Variants in SCRN3 observed in about 807,000 individuals in gnomAD.
SCRN3 encodes secernin 3.
SCRN3 carries 39 observed loss-of-function variants against 43.1 expected under a neutral mutation model. The ratio of observed to expected loss-of-function variants is 0.91; its 90% confidence interval spans 0.70 to 1.18. SCRN3 has a LOEUF of 1.18. SCRN3 is among the 50% of genes most tolerant of loss of function. SCRN3 has a pLI of 0.00. For missense variants in SCRN3, 484 were observed against 498.0 expected (o/e 0.97, Z 0.27); for synonymous variants, 147 against 163.1 (o/e 0.90, Z 0.75).
At chr2:174,403,020 A>G (rs1685558905) in intron 4 of SCRN3, among the ~76,000 whole-genome samples, 1 of 151,892 alleles carries the variant, frequency 6.6e-6, no homozygotes. Context: ...CTTATTTATA[A>G]TTTAAAAAAA....
At chr2:174,422,751 G>A in intron 5 of SCRN3, 134 bp from the exon 6 acceptor site, 1 of 524,770 alleles carries the variant, frequency 1.9e-6, no homozygotes, top group East Asian at 2.9e-5. Context: ...TTGATACAAA[G>A]TTTGTTTATA....
Position 174,398,429 on chromosome 2 carries a change from G to T in SCRN3, c.146G>T (p.Gly49Val), listed in dbSNP as rs765632164. 1.3e-6 allele frequency: 2 copies of T among 1,597,614 alleles called. No homozygotes were observed. Among genetic ancestry groups the T allele is most frequent in the Non-Finnish European group, 1.7e-6 (2 of 1,175,256 alleles). ...YFPAVVHDNL[G>V]ERLKCTYIEI... is the part of the protein sequence containing the mutation. ...CCTGCTGTAGTTCATGATAACCTGG[G>T]AGAACGTCTTAAGGTAGGTGAAATA... Residue 49 changes from glycine (G) to valine (V), a missense_variant, in exon 2 of 8, where the codon GGA becomes GTA. Coordinates refer to ENST00000272732, the MANE Select transcript of SCRN3 (RefSeq NM_024583.5).
At chr2:174,398,033 G>A (rs1379974779) in intron 1 of SCRN3, among the ~76,000 whole-genome samples, 2 of 152,038 alleles carry the variant, frequency 1.3e-5, no homozygotes, top group Non-Finnish European at 2.9e-5. Flanking sequence ...GAGGCAGAAG[G>A]GGGAGGATCT....
rs1231240493 is a variant in SCRN3, at chr2:174,404,177, T to C, written c.616T>C (p.Tyr206His). 4.3e-6 allele frequency: 7 copies of C among 1,613,886 alleles called. No homozygotes were observed. The highest frequency in any genetic ancestry group is 3.3e-4 in the Middle Eastern group (2 of 6,058). The change falls in exon 5 of 8, where the codon TAT (tyrosine) becomes CAT (histidine). Residue 206 changes from tyrosine to histidine, a missense_variant. Physicochemically the swap from Tyr to His is moderately conservative, Grantham distance 83. Coordinates refer to ENST00000272732, the MANE Select transcript of SCRN3 (RefSeq NM_024583.5). Reference protein sequence around the residue: ...IAREHPDMRNYAKRKGWWDGK... With the variant: ...IAREHPDMRNHAKRKGWWDGK... ...CCGGGAACACCCAGACATGAGAAAC[T>C]ATGCTAAGCGGAAAGGTTGGTGGGA...
intron 4 of SCRN3, among the ~76,000 whole-genome samples, chr2:174,403,716 G>C (rs565547020): frequency 6.6e-6 from 1 of 152,110 alleles, no homozygotes; most frequent in African/African-American, 2.4e-5. Flanking sequence ...GAGATAAGTA[G>C]GTGTGGCTAT....
intron 1 of SCRN3, chr2:174,396,412 G>C (rs887835674): frequency 2.3e-5 from 17 of 739,910 alleles, no homozygotes; most frequent in Non-Finnish European, 2.8e-5. Flanking sequence ...ATTGCAGCTT[G>C]ATGGCCCTTG....
intron 1 of SCRN3, 42 bp downstream of exon 1, chr2:174,395,859 A>G (rs924550408): frequency 1.2e-5 from 17 of 1,457,788 alleles, no homozygotes; most frequent in Middle Eastern, 1.8e-4. Flanking sequence ...TAGTTGAGAC[A>G]GAAACCCGGA....
At chr2:174,411,679 T>G (rs551616703) in intron 5 of SCRN3, among the ~76,000 whole-genome samples, 1 of 152,320 alleles carries the variant, frequency 6.6e-6, no homozygotes, top group African/African-American at 2.4e-5. Context: ...CCCAGCACTT[T>G]GGAAGGCCAA....
At chr2:174,419,152 T>C (rs948166485) in intron 5 of SCRN3, among the ~76,000 whole-genome samples, 1 of 152,186 alleles carries the variant, frequency 6.6e-6, no homozygotes, top group African/African-American at 2.4e-5. Flanking sequence ...ATGGGAATAG[T>C]TGGGGGAGAG....
intron 2 of SCRN3, among the ~76,000 whole-genome samples, chr2:174,398,718 A>G (rs1685409003): frequency 6.6e-6 from 1 of 152,234 alleles, no homozygotes; most frequent in African/African-American, 2.4e-5. Context: ...GTCAGCTGTC[A>G]AGACTCTGTT....
intron 5 of SCRN3, among the ~76,000 whole-genome samples, chr2:174,405,751 A>G (rs1685672678): frequency 6.6e-6 from 1 of 151,044 alleles, no homozygotes; most frequent in African/African-American, 2.4e-5. Context: ...CAGGTTTGTC[A>G]AAGATCAGAT....
At chr2:174,397,027 T>C (rs1321008645) in intron 1 of SCRN3, 8 of 956,014 alleles carry the variant, frequency 8.4e-6, no homozygotes, top group African/African-American at 1.8e-5. Context: ...CAAAGTTATA[T>C]AGTGATAGAA....
Position 174,395,827 on chromosome 2 carries a change from G to T in SCRN3, c.-10+10G>T. 6.6e-7 allele frequency: 1 copy of T among 1,517,418 alleles called. No individual in the cohort carries two copies. Among genetic ancestry groups the T allele is most frequent in the Non-Finnish European group, 8.8e-7 (1 of 1,130,372 alleles). The allele number at this position is 1,517,418 out of a possible 1,614,324, so 94.0% of individuals were successfully genotyped here. ...GTAGCTGGGAGGCCAGGTGAGGGGC[G>T]CGCACGGGGGAGGGGCGTGCATAGT... On this transcript the variant is annotated intron_variant, in intron 1 of 7. Transcript: ENST00000272732.
chr2:174,408,439 G>A (rs200680215), intron 5 of SCRN3, among the ~76,000 whole-genome samples: 1 of 144,106 alleles, frequency 6.9e-6, no homozygotes, highest in African/African-American at 2.5e-5. Flanking sequence ...CTTTTAATTG[G>A]AGAATTTAGT....
chr2:174,397,397 C>T, intron 1 of SCRN3: 1 of 922,514 alleles, frequency 1.1e-6, no homozygotes. Context: ...CAAGTTACAA[C>T]TGAAGAGGTA....
At chr2:174,423,241 G>A (rs1251159954) in intron 6 of SCRN3, among the ~76,000 whole-genome samples, 194 bp downstream of exon 6, 2 of 152,164 alleles carry the variant, frequency 1.3e-5, no homozygotes, top group Non-Finnish European at 2.9e-5. Flanking sequence ...AAGGAAATGT[G>A]AATAGTTTCT....
chr2:174,405,574 G>C (rs1035188739), intron 5 of SCRN3, among the ~76,000 whole-genome samples: 2 of 138,882 alleles, frequency 1.4e-5, no homozygotes, highest in African/African-American at 5.0e-5. Flanking sequence ...TTTCTTCTAG[G>C]GTTTTTATGG....
At chr2:174,408,547 C>G (rs902008952) in intron 5 of SCRN3, among the ~76,000 whole-genome samples, 5 of 149,536 alleles carry the variant, frequency 3.3e-5, no homozygotes, top group Non-Finnish European at 4.5e-5. Flanking sequence ...CAGTTTCTTC[C>G]TAGTCTCGGT....
chr2:174,413,282 T>C (rs1685991691), intron 5 of SCRN3, among the ~76,000 whole-genome samples: 1 of 152,178 alleles, frequency 6.6e-6, no homozygotes, highest in Non-Finnish European at 1.5e-5. Context: ...TCTGAGGAAA[T>C]GAACCAGTTC....
Sources: allele counts gnomAD v4.1 joint callset (sites outside exome capture counted in the v4.1 genomes callset), GRCh38; gene constraint gnomAD v4.1.1; transcripts MANE v1.5; gene names NCBI Gene and HGNC (gene_info 2026-07-23, HGNC 2026-07-21).